Variants in KCNIP4 observed in about 807,000 individuals in gnomAD.
The protein encoded by KCNIP4 is potassium voltage-gated channel interacting protein 4.
Under a neutral mutation model 34.0 loss-of-function variants are expected in KCNIP4, and 12 were observed. The ratio of observed to expected loss-of-function variants is 0.35; its 90% confidence interval spans 0.23 to 0.57. The LOEUF (loss-of-function observed/expected upper bound fraction) is 0.57. Ranked by LOEUF, KCNIP4 falls within the 20% of genes least tolerant of loss-of-function variation. The pLI is 0.83. For synonymous variants in KCNIP4, 124 were observed against 102.2 expected (o/e 1.21, Z -1.29); for missense variants, 238 against 311.7 (o/e 0.76, Z 1.78).
intron 1 of KCNIP4, among the ~76,000 whole-genome samples, chr4:21,051,837 A>G (rs2108949153): frequency 6.6e-6 from 1 of 152,306 alleles, no homozygotes; most frequent in African/African-American, 2.4e-5. Flanking sequence ...GGTACACACA[A>G]CCACTACATT....
chr4:21,505,550 G>T (rs1248007254), intron 1 of KCNIP4, among the ~76,000 whole-genome samples: 2 of 152,026 alleles, frequency 1.3e-5, no homozygotes, highest in East Asian at 3.9e-4. Context: ...TTTCTGCCTG[G>T]ACAAATCCTA....
chr4:20,762,126 C>T (rs1755009619), intron 3 of KCNIP4, among the ~76,000 whole-genome samples: 1 of 152,156 alleles, frequency 6.6e-6, no homozygotes, highest in South Asian at 2.1e-4. Context: ...AAGTCTAAGA[C>T]CATAGGATTA....
At chr4:21,801,327 A>G (rs1185511842) in intron 1 of KCNIP4, among the ~76,000 whole-genome samples, 1 of 152,254 alleles carries the variant, frequency 6.6e-6, no homozygotes, top group Admixed American at 6.5e-5. Context: ...GTTGAATTTA[A>G]AAATCACTGG....
intron 3 of KCNIP4, 113 bp from the exon 4 acceptor site, chr4:20,759,003 C>A: frequency 2.8e-6 from 2 of 716,250 alleles, no homozygotes; most frequent in Non-Finnish European, 2.4e-6. Context: ...AGAAAATTAA[C>A]CATTCATCCA....
intron 1 of KCNIP4, among the ~76,000 whole-genome samples, chr4:21,254,049 T>C (rs1472193359): frequency 1.3e-5 from 2 of 152,014 alleles, no homozygotes; most frequent in South Asian, 4.1e-4. Flanking sequence ...AAGGGAGAGG[T>C]GAGAAACGAA....
intron 1 of KCNIP4, among the ~76,000 whole-genome samples, chr4:21,540,312 C>A (rs1244710048): frequency 6.6e-6 from 1 of 152,114 alleles, no homozygotes; most frequent in Non-Finnish European, 1.5e-5. Context: ...AGTATACGGT[C>A]ACACTGTCAC....
intron 1 of KCNIP4, among the ~76,000 whole-genome samples, chr4:21,608,258 G>A (rs6828989): frequency 0.66 from 99,710 of 151,972 alleles, 33,326 homozygotes; most frequent in East Asian, 0.86. Flanking sequence ...TCACTGCCAC[G>A]TCTTTATTTA....
intron 1 of KCNIP4, among the ~76,000 whole-genome samples, chr4:20,951,656 T>C (rs1732801169): frequency 6.6e-6 from 1 of 152,192 alleles, no homozygotes. Flanking sequence ...AATGTTTCTG[T>C]ACAATTGAGA....
At chr4:21,354,043 A>G (rs1371891184) in intron 1 of KCNIP4, among the ~76,000 whole-genome samples, 1 of 152,172 alleles carries the variant, frequency 6.6e-6, no homozygotes, top group African/African-American at 2.4e-5. Context: ...ATATCCATCC[A>G]AACTAAGCTT....
At chr4:21,157,282 G>A (rs1560772329) in intron 1 of KCNIP4, among the ~76,000 whole-genome samples, 2 of 151,772 alleles carry the variant, frequency 1.3e-5, no homozygotes, top group South Asian at 2.1e-4. Context: ...CATTGTTGAG[G>A]CTCCAAAGAT....
chr4:21,178,470 T>TTCTAAGTGTTTGCTTCTTCCTGTCCTG (rs1754598345), intron 1 of KCNIP4, among the ~76,000 whole-genome samples: 1 of 146,628 alleles, frequency 6.8e-6, no homozygotes, highest in African/African-American at 2.8e-5. Context: ...AGGTAGTGGA[T>TTCTAAGTGTTTGCTTCTTCCTGTCCTG]TCACAGACCT....
intron 1 of KCNIP4, chr4:21,851,241 C>G (rs1724364849): frequency 1.3e-5 from 2 of 152,246 alleles, no homozygotes; most frequent in Admixed American, 6.5e-5. Context: ...ATTCAAATCC[C>G]ACTTACACAG....
At chr4:21,834,155 G>T (rs1177087000) in intron 1 of KCNIP4, among the ~76,000 whole-genome samples, 6 of 152,110 alleles carry the variant, frequency 3.9e-5, no homozygotes, top group African/African-American at 1.4e-4. Context: ...TGATGGGGAT[G>T]GCATTGAATC....
intron 1 of KCNIP4, among the ~76,000 whole-genome samples, chr4:21,087,131 C>G (rs1473539651): frequency 1.4e-5 from 2 of 142,388 alleles, no homozygotes; most frequent in Admixed American, 7.1e-5. Context: ...AGGCATGCAC[C>G]ACCACTGCTG....
intron 3 of KCNIP4, among the ~76,000 whole-genome samples, chr4:20,785,318 A>AT (rs1321477283): frequency 1.4e-4 from 19 of 131,574 alleles, no homozygotes; most frequent in South Asian, 1.1e-3. Flanking sequence ...TTTTCTTTGG[A>AT]TTTTTTTTTC....
At chr4:20,731,090 T>TTTTAG (rs1255563430) in intron 8 of KCNIP4, among the ~76,000 whole-genome samples, 1 of 152,220 alleles carries the variant, frequency 6.6e-6, no homozygotes, top group Non-Finnish European at 1.5e-5. Context: ...TTTTTTCTTT[T>TTTTAG]TTTAGTTTTG....
chr4:21,878,688 T>C (rs2109379667), intron 1 of KCNIP4, among the ~76,000 whole-genome samples: 1 of 152,360 alleles, frequency 6.6e-6, no homozygotes, highest in East Asian at 1.9e-4. Flanking sequence ...AAATGAATTA[T>C]TTTATTTTCT....
intron 2 of KCNIP4, among the ~76,000 whole-genome samples, chr4:20,860,904 A>G (rs1319152357): frequency 6.6e-6 from 1 of 152,170 alleles, no homozygotes; most frequent in African/African-American, 2.4e-5. Context: ...TGCCTGGAGG[A>G]AGATTTCCAA....
intron 1 of KCNIP4, among the ~76,000 whole-genome samples, chr4:21,823,959 A>G (rs1722527420): frequency 6.6e-6 from 1 of 152,110 alleles, no homozygotes; most frequent in African/African-American, 2.4e-5. Flanking sequence ...CAGGTGACAT[A>G]TTTTTGCTAA....
Sources: allele counts gnomAD v4.1 joint callset (sites outside exome capture counted in the v4.1 genomes callset), GRCh38; gene constraint gnomAD v4.1.1; transcripts MANE v1.5; gene names NCBI Gene and HGNC (gene_info 2026-07-23, HGNC 2026-07-21).